FANK1: variants seen among roughly 807,000 people sequenced by gnomAD.
FANK1 encodes the protein fibronectin type 3 and ankyrin repeat domains protein 1.
Under a neutral mutation model 45.3 loss-of-function variants are expected in FANK1, and 44 were observed. That is an observed-to-expected ratio of 0.97 (90% CI 0.76 to 1.25). The LOEUF is 1.25. Among genes scored for constraint, FANK1 ranks in the 50% most tolerant of loss-of-function variants. The pLI is 0.00. For missense variants in FANK1, 391 were observed against 424.4 expected (o/e 0.92, Z 0.69); for synonymous variants, 149 against 152.5 (o/e 0.98, Z 0.17).
chr10:125,900,211 T>C (rs1944916917), intron 1 of FANK1, among the ~76,000 whole-genome samples: 1 of 152,298 alleles, frequency 6.6e-6, no homozygotes, highest in Admixed American at 6.5e-5. Context: ...CTTGGGCTGT[T>C]GAGAGTGGTT....
chr10:125,922,245 A>G (rs1946996374), intron 1 of FANK1, among the ~76,000 whole-genome samples: 1 of 152,202 alleles, frequency 6.6e-6, no homozygotes, highest in Admixed American at 6.5e-5. Context: ...CTAGATTCCT[A>G]GTTTAATTCT....
At chr10:125,950,908 C>T (rs972229555) in intron 1 of FANK1, among the ~76,000 whole-genome samples, 12 of 150,794 alleles carry the variant, frequency 8.0e-5, no homozygotes, top group African/African-American at 2.9e-4. Context: ...GAATACTATG[C>T]AGCCATAAAA....
intron 1 of FANK1, among the ~76,000 whole-genome samples, chr10:125,910,294 A>G (rs1023104717): frequency 2.6e-5 from 4 of 152,216 alleles, no homozygotes; most frequent in African/African-American, 7.2e-5. Context: ...TCCCCCATCT[A>G]TAACTTTTTT....
In FANK1 at chr10:125,904,436, A is replaced by AT. The variant is rs200215701; in HGVS notation, c.13+7795dup. Among the ~76,000 whole-genome samples the AT allele has an allele frequency of 9.4e-3, 1,211 of 128,912 alleles. 5 individuals are homozygous for AT. The highest frequency in any genetic ancestry group is 0.031 in the African/African-American group (1,096 of 35,228). The allele number at this position is 128,912 out of a possible 152,430, so 84.6% of individuals were successfully genotyped here. On this transcript the variant is annotated intron_variant, in intron 1 of 10. Transcript: ENST00000368693. ...GGAAAAAATAACACCAACATTACAG[A>AT]TTTTTTTTTTTTTTAATCTTAGGGA...
chr10:125,913,583 A>G (rs1308006824), intron 1 of FANK1, among the ~76,000 whole-genome samples: 1 of 152,192 alleles, frequency 6.6e-6, no homozygotes, highest in Non-Finnish European at 1.5e-5. Flanking sequence ...CAAATAGCAT[A>G]TGTTAACTTT....
intron 1 of FANK1, among the ~76,000 whole-genome samples, chr10:125,946,610 A>G (rs1391060315): frequency 6.6e-6 from 1 of 151,066 alleles, no homozygotes; most frequent in Non-Finnish European, 1.5e-5. Flanking sequence ...GGACTATGTG[A>G]AAAGACCAAA....
At chr10:125,907,222 T>A (rs1945597683) in intron 1 of FANK1, among the ~76,000 whole-genome samples, 1 of 152,238 alleles carries the variant, frequency 6.6e-6, no homozygotes, top group African/African-American at 2.4e-5. Context: ...ACAAACTCTT[T>A]TTAGTATCTG....
At chr10:125,962,051 A>C (rs917382349) in intron 1 of FANK1, among the ~76,000 whole-genome samples, 1 of 152,250 alleles carries the variant, frequency 6.6e-6, no homozygotes, top group African/African-American at 2.4e-5. Context: ...TGAAAGGGCA[A>C]CCTACAGAAT....
chr10:125,982,666 T>C (rs577139272), intron 2 of FANK1, among the ~76,000 whole-genome samples: 27 of 152,360 alleles, frequency 1.8e-4, no homozygotes, highest in South Asian at 8.3e-4. Context: ...GATTTGTCAG[T>C]TTCTGTTCCC....
At chr10:125,972,540 T>G (rs1336827391) in intron 1 of FANK1, among the ~76,000 whole-genome samples, 1 of 152,216 alleles carries the variant, frequency 6.6e-6, no homozygotes, top group East Asian at 1.9e-4. Context: ...TCCCATCCAC[T>G]ATTTTTTGGC....
At chr10:125,985,629 A>G (rs766109318) in intron 2 of FANK1, among the ~76,000 whole-genome samples, 7 of 152,182 alleles carry the variant, frequency 4.6e-5, no homozygotes, top group Non-Finnish European at 7.3e-5. Flanking sequence ...TTGTTGATAC[A>G]TACTATCTCA....
chr10:126,003,083 G>A lies in FANK1; in HGVS notation c.540-1801G>A, dbSNP rs73372529. Among the ~76,000 whole-genome samples the A allele has an allele frequency of 4.0e-5, 6 of 149,784 alleles. 2 individuals are homozygous for A. In the Admixed American group the frequency reaches 4.0e-4, roughly 10 times the overall value. ...GCCATTCTCTCTCTTTATAGTCTCT[G>A]GTTCTAGACCAGTCCTCTCTTTAAA... On this transcript the variant is annotated intron_variant, in intron 6 of 10. Transcript: ENST00000368693.
At chr10:125,987,116 C>T (rs1331676233) in intron 2 of FANK1, among the ~76,000 whole-genome samples, 1 of 152,104 alleles carries the variant, frequency 6.6e-6, no homozygotes, top group Non-Finnish European at 1.5e-5. Context: ...CCCTTCTTCA[C>T]TGTCCTTGAC....
intron 1 of FANK1, among the ~76,000 whole-genome samples, chr10:125,913,656 C>T (rs1262962831): frequency 1.3e-5 from 2 of 152,178 alleles, no homozygotes; most frequent in African/African-American, 2.4e-5. Flanking sequence ...CATGGTTAGG[C>T]AAGGCAGCAT....
intron 6 of FANK1, among the ~76,000 whole-genome samples, chr10:125,999,232 C>G (rs1460646082): frequency 1.4e-5 from 2 of 141,804 alleles, no homozygotes; most frequent in Admixed American, 7.3e-5. Context: ...CGGAATCTCA[C>G]TCTGTCCTCC....
At chr10:125,952,349 G>A (rs1379773152) in intron 1 of FANK1, among the ~76,000 whole-genome samples, 3 of 152,256 alleles carry the variant, frequency 2.0e-5, no homozygotes, top group African/African-American at 4.8e-5. Context: ...GTGTTTGCCC[G>A]AAATGTCAGG....
In FANK1 at chr10:125,991,280, G is replaced by GTTC. The variant is rs1291507537; in HGVS notation, c.316+2605_316+2606insTTC. Among the ~76,000 whole-genome samples, 27 of 75,722 alleles carry GTTC rather than the reference G, an allele frequency of 3.6e-4. 1 individual carries two copies. The East Asian group carries it at 0.012, about 35-fold the overall frequency. 49.7% of individuals were successfully genotyped at this position (75,722 alleles called of 152,430 possible). A position where few individuals can be genotyped will look rare whatever the true frequency, so the allele number is the denominator to read the frequency against. Reference sequence around the variant, plus strand: ...GTGTGTGTGTGTGTGTGTGTGTGTTGGGGGAGTGATCCTGGCCATTTCACT... The same window carrying GTTC: ...GTGTGTGTGTGTGTGTGTGTGTGTTGTTCGGGGAGTGATCCTGGCCATTTCACT... On this transcript the variant is annotated intron_variant, in intron 3 of 10. Coordinates refer to ENST00000368693, the MANE Select transcript of FANK1 (RefSeq NM_145235.5).
chr10:125,968,260 C>T lies in FANK1; in HGVS notation c.14-11901C>T, dbSNP rs551666761. Among the ~76,000 whole-genome samples the T allele has an allele frequency of 2.8e-4, 43 of 152,186 alleles. No homozygotes were observed. In the South Asian group the frequency reaches 7.3e-3, roughly 26 times the overall value. On this transcript the variant is annotated intron_variant, in intron 1 of 10. Coordinates refer to ENST00000368693, the MANE Select transcript of FANK1 (RefSeq NM_145235.5). ...GATGTTGGTTGGCCACTGCACCTGA[C>T]CTAGAACGTATTTTTGATTAATGGT...
rs1437041945 is a variant in FANK1 at position 125,934,738 on chromosome 10, T to G, written c.13+38083T>G. On this transcript the variant is annotated intron_variant, in intron 1 of 10. Coordinates refer to ENST00000368693, the MANE Select transcript of FANK1 (RefSeq NM_145235.5). ...GTACCCCTACCGTTTTTTTTTTTTT[T>G]TTTTTTTTTTTTTTTTTTTTTTTGC... 6.1e-5 allele frequency among the ~76,000 whole-genome samples: 8 copies of G among 130,486 alleles called. No individual in the cohort carries two copies. In the East Asian group the frequency reaches 8.9e-4, roughly 14 times the overall value. 85.6% of individuals were successfully genotyped at this position (130,486 alleles called of 152,430 possible).
Sources: gnomAD v4.1 joint callset for allele counts (sites outside exome capture counted in the v4.1 genomes callset) on GRCh38, gnomAD v4.1.1 for gene constraint, MANE v1.5 for transcripts, NCBI Gene and HGNC (gene_info 2026-07-23, HGNC 2026-07-21) for gene names.